RASSF2: variants seen among roughly 807,000 people sequenced by gnomAD.
The protein encoded by RASSF2 is ras association domain-containing protein 2.
Under a neutral mutation model 46.3 loss-of-function variants are expected in RASSF2, and 34 were observed. That is an observed-to-expected ratio of 0.73 (90% CI 0.56 to 0.98). The LOEUF is 0.98. Ranked by LOEUF, RASSF2 falls within the 50% of genes least tolerant of loss-of-function variation. The pLI, the probability that RASSF2 is intolerant of heterozygous loss-of-function variation, is 0.00. For missense variants in RASSF2, 364 were observed against 431.2 expected (o/e 0.84, Z 1.38); for synonymous variants, 158 against 162.5 (o/e 0.97, Z 0.21).
At chr20:4,799,269 T>C (rs1384676974) in intron 3 of RASSF2, among the ~76,000 whole-genome samples, 1 of 152,194 alleles carries the variant, frequency 6.6e-6, no homozygotes, top group East Asian at 1.9e-4. Context: ...AGTACAGCTC[T>C]ACTGCACGTG....
chr20:4,798,209 T>G (rs1307268165), intron 3 of RASSF2, 124 bp from the exon 4 acceptor site: 3 of 1,435,430 alleles, frequency 2.1e-6, no homozygotes, highest in Non-Finnish European at 2.8e-6. Context: ...ACTGTCCACA[T>G]GTACATACAC....
At chr20:4,821,825 T>C (rs1022570273) in intron 2 of RASSF2, among the ~76,000 whole-genome samples, 4 of 54,252 alleles carry the variant, frequency 7.4e-5, no homozygotes, top group Admixed American at 7.1e-4. Context: ...CTGTGAGGCC[T>C]GCTGGACTGC....
intron 2 of RASSF2, among the ~76,000 whole-genome samples, chr20:4,817,419 G>A (rs535021885): frequency 6.6e-6 from 1 of 152,256 alleles, no homozygotes; most frequent in South Asian, 2.1e-4. Context: ...ACACCAAGAT[G>A]ATGAATTCTG....
At chr20:4,807,881 C>T (rs1473561201) in intron 2 of RASSF2, among the ~76,000 whole-genome samples, 1 of 152,248 alleles carries the variant, frequency 6.6e-6, no homozygotes. Context: ...CCACTCTGGG[C>T]ATCTGCACCT....
chr20:4,811,561 TCAAGAAAG>T (rs1927820515), intron 2 of RASSF2, among the ~76,000 whole-genome samples: 2 of 152,012 alleles, frequency 1.3e-5, no homozygotes, highest in Non-Finnish European at 2.9e-5. Context: ...AAGCAGCCCT[TCAAGAAAG>T]GAAGGGGTGG....
rs74273613 is a variant in RASSF2 at position 4,791,252 on chromosome 20, A to G, written c.377-641T>C. On this transcript the variant is annotated intron_variant, in intron 6 of 11. Transcript: ENST00000379400. ...GAATGGTGGTTGCCAGGAGCTAAAG[A>G]GAGAAGGATGTGGGGAGCTATTGGG... is the stretch of plus-strand genomic sequence containing the variant. Among the ~76,000 whole-genome samples the G allele has an allele frequency of 8.6e-3, 1,310 of 152,320 alleles. 54 individuals are homozygous for G. The East Asian group carries it at 0.11, about 13-fold the overall frequency.
chr20:4,786,419 T>C, intron 10 of RASSF2, 91 bp from the exon 11 acceptor site: 1 of 1,121,596 alleles, frequency 8.9e-7, no homozygotes, highest in Non-Finnish European at 1.4e-6. Flanking sequence ...CACAAAGCCT[T>C]GGGAAGTCTA....
chr20:4,817,293 A>T (rs754356425), intron 2 of RASSF2, among the ~76,000 whole-genome samples: 2 of 152,106 alleles, frequency 1.3e-5, no homozygotes, highest in Non-Finnish European at 2.9e-5. Flanking sequence ...ATCCCCATAC[A>T]CATACTTTTC....
At chr20:4,789,778 G>T in intron 7 of RASSF2, 81 bp from the exon 8 acceptor site, 5 of 1,194,708 alleles carry the variant, frequency 4.2e-6, no homozygotes, top group Non-Finnish European at 6.1e-6. Flanking sequence ...ACAGGGCACA[G>T]TGACAACGAT....
intron 2 of RASSF2, among the ~76,000 whole-genome samples, chr20:4,804,976 G>T (rs1187634254): frequency 6.6e-6 from 1 of 152,032 alleles, no homozygotes; most frequent in Non-Finnish European, 1.5e-5. Flanking sequence ...TGGCAAAGAT[G>T]AGGGGCGAGT....
At chr20:4,793,080 C>T (rs1926041276) in intron 5 of RASSF2, 1 of 166,734 alleles carries the variant, frequency 6.0e-6, no homozygotes, top group Admixed American at 5.5e-5. Context: ...CTCATAATTG[C>T]TTCTGGCATT....
At chr20:4,818,824 G>A (rs1381413952) in intron 2 of RASSF2, among the ~76,000 whole-genome samples, 5 of 152,158 alleles carry the variant, frequency 3.3e-5, no homozygotes, top group African/African-American at 9.7e-5. Context: ...CCTGCTTCTA[G>A]CCAGCAAATG....
Position 4,798,094 on chromosome 20 carries a change from G to A in RASSF2, c.60-9C>T. The stretch of plus-strand genomic sequence containing the variant: ...GCAAGAGAAGTTCATTTCTTAGGGG[G>A]AAAAATAGAAGAGATATAACATTAT... On this transcript the variant is annotated splice_polypyrimidine_tract_variant and intron_variant, in intron 3 of 11. Transcript: ENST00000379400. 1.2e-6 allele frequency: 2 copies of A among 1,613,400 alleles called. No individual in the cohort carries two copies. The highest frequency in any genetic ancestry group is 2.2e-5 in the East Asian group (1 of 44,870).
rs559525646 is a variant in RASSF2, at chr20:4,823,173, C to T, written c.-108+384G>A. On this transcript the variant is annotated intron_variant, in intron 1 of 11. Transcript: ENST00000379400. ...GGCGAGGATTACGGGGCTGACCCAG[C>T]CGGGGTAGGGACCATCGTGGAAAAA... Among the ~76,000 whole-genome samples the T allele has an allele frequency of 3.2e-3, 481 of 152,178 alleles. 2 individuals are homozygous for T. The highest frequency in any genetic ancestry group is 7.7e-3 in the Admixed American group (118 of 15,298).
chr20:4,790,667 G>T lies in RASSF2; in HGVS notation c.377-56C>A. 1.4e-6 allele frequency: 2 copies of T among 1,443,446 alleles called. No homozygotes were observed. Among genetic ancestry groups the T allele is most frequent in the Non-Finnish European group, 1.8e-6 (2 of 1,091,044 alleles). 89.4% of individuals were successfully genotyped at this position (1,443,446 alleles called of 1,614,324 possible). On this transcript the variant is annotated intron_variant, in intron 6 of 11. Coordinates refer to ENST00000379400, the MANE Select transcript of RASSF2 (RefSeq NM_014737.3). This position sits in a 1 kb window ranked among gnomAD's most constrained non-coding sequence, Gnocchi z 4.3. ...TGTCTGGACCTGGGACATGGCACAT[G>T]GTCCCCAATTTGTGGCCAGTGCGAC...
chr20:4,816,092 A>C (rs1164514608), intron 2 of RASSF2, among the ~76,000 whole-genome samples: 1 of 152,238 alleles, frequency 6.6e-6, no homozygotes, highest in Non-Finnish European at 1.5e-5. Flanking sequence ...GCTTGCATGC[A>C]GGAGTTCAAG....
chr20:4,812,812 C>T lies in RASSF2; in HGVS notation c.-33+9517G>A, dbSNP rs1927931458. On this transcript the variant is annotated intron_variant, in intron 2 of 11. Coordinates refer to ENST00000379400, the MANE Select transcript of RASSF2 (RefSeq NM_014737.3). This position sits in a 1 kb window ranked among gnomAD's most constrained non-coding sequence, Gnocchi z 4.0. Reference sequence around the variant, plus strand: ...GGCTTGTCCCAGGTGGCACAGCCGACATGCAGCCCAGTGCTCCTGTGGCTC... The same window carrying T: ...GGCTTGTCCCAGGTGGCACAGCCGATATGCAGCCCAGTGCTCCTGTGGCTC... Among the ~76,000 whole-genome samples, 1 of 152,192 alleles carries T rather than the reference C, an allele frequency of 6.6e-6. No homozygotes were observed. Among genetic ancestry groups the T allele is most frequent in the Admixed American group, 6.5e-5 (1 of 15,280 alleles).
chr20:4,798,845 C>A (rs80050964), intron 3 of RASSF2, among the ~76,000 whole-genome samples: 26,752 of 126,564 alleles, frequency 0.21, 2,944 homozygotes, highest in East Asian at 0.31. Context: ...AACAAACAAA[C>A]AAAAAAAAAA....
intron 2 of RASSF2, among the ~76,000 whole-genome samples, chr20:4,816,067 C>T (rs1226451171): frequency 6.6e-6 from 1 of 152,050 alleles, no homozygotes; most frequent in Admixed American, 6.6e-5. Context: ...TTTGGGAGGC[C>T]GAGACGGGAG....
Sources: gnomAD v4.1 joint callset for allele counts (sites outside exome capture counted in the v4.1 genomes callset) on GRCh38, gnomAD v4.1.1 for gene constraint, Gnocchi (gnomAD v3.1) non-coding constraint, MANE v1.5 for transcripts, NCBI Gene and HGNC (gene_info 2026-07-23, HGNC 2026-07-21) for gene names.